FTO: variants seen among roughly 807,000 people sequenced by gnomAD.
FTO encodes the protein alpha-ketoglutarate-dependent dioxygenase FTO.
In FTO, 47 loss-of-function variants were observed where a neutral mutation model predicts 63.9. The ratio of observed to expected loss-of-function variants is 0.74; its 90% CI spans 0.58 to 0.94. FTO has a LOEUF of 0.94. FTO is among the 40% of genes least tolerant of loss of function. FTO has a pLI of 0.00. For synonymous variants in FTO, 207 were observed against 224.4 expected (o/e 0.92, Z 0.69); for missense variants, 562 against 618.1 (o/e 0.91, Z 0.96).
chr16:53,729,343 A>G (rs1194669447), intron 1 of FTO, among the ~76,000 whole-genome samples: 1 of 151,580 alleles, frequency 6.6e-6, no homozygotes, highest in African/African-American at 2.4e-5. Flanking sequence ...CCTGGCCAAC[A>G]TGGTGAAACC....
At chr16:54,009,050 T>C (rs1317363046) in intron 8 of FTO, among the ~76,000 whole-genome samples, 2 of 151,836 alleles carry the variant, frequency 1.3e-5, no homozygotes, top group Non-Finnish European at 2.9e-5. Flanking sequence ...AGTGTGGCAG[T>C]GGCCAACTTG....
At chr16:53,863,537 C>G (rs1296775911) in intron 4 of FTO, among the ~76,000 whole-genome samples, 2 of 152,200 alleles carry the variant, frequency 1.3e-5, no homozygotes, top group Non-Finnish European at 2.9e-5. Context: ...GGTTTTGGCC[C>G]ACTCCTATCA....
intron 8 of FTO, among the ~76,000 whole-genome samples, chr16:53,953,979 G>T (rs970928101): frequency 1.3e-5 from 2 of 152,214 alleles, no homozygotes; most frequent in Non-Finnish European, 2.9e-5. Flanking sequence ...ATGTATATCT[G>T]TAAAACAACA....
chr16:54,102,541 T>C (rs1311585344), intron 8 of FTO, among the ~76,000 whole-genome samples: 1 of 152,048 alleles, frequency 6.6e-6, no homozygotes, highest in Non-Finnish European at 1.5e-5. Context: ...AGTGACCCCA[T>C]CTCAAAACAA....
intron 7 of FTO, among the ~76,000 whole-genome samples, chr16:53,891,009 G>C (rs75475431): frequency 8.0e-6 from 1 of 124,656 alleles, no homozygotes; most frequent in Non-Finnish European, 1.8e-5. Flanking sequence ...TTTTTTTTTT[G>C]AGACGGAGTC....
chr16:53,851,454 G>A lies in FTO; in HGVS notation c.895+7156G>A, dbSNP rs139894958. 9.0e-3 allele frequency among the ~76,000 whole-genome samples: 1,276 copies of A among 141,594 alleles called. 23 individuals carry two copies. Among genetic ancestry groups the A allele is most frequent in the Admixed American group, 0.044 (606 of 13,778 alleles). The allele number at this position is 141,594 out of a possible 152,430, so 92.9% of individuals were successfully genotyped here. A position where few individuals can be genotyped will look rare whatever the true frequency, so the allele number is the denominator to read the frequency against. ...AGCCTGGGCAACAGAGTGAGACTCC[G>A]TCTCAAAAAAAAAAAAAGGAAAAAA... On this transcript the variant is annotated intron_variant, in intron 4 of 8. Transcript: ENST00000471389.
At chr16:53,947,908 G>A (rs560146791) in intron 8 of FTO, among the ~76,000 whole-genome samples, 1 of 152,322 alleles carries the variant, frequency 6.6e-6, no homozygotes, top group East Asian at 1.9e-4. Context: ...GCTGTATTAA[G>A]CACAGCATCT....
chr16:53,917,760 C>T (rs781771108), intron 7 of FTO, among the ~76,000 whole-genome samples: 10 of 150,608 alleles, frequency 6.6e-5, no homozygotes, highest in African/African-American at 1.2e-4. Flanking sequence ...GTCCATCCGT[C>T]GTCCATCTCC....
In FTO at chr16:53,716,610, G is replaced by A. The variant is rs567444661; in HGVS notation, c.45+12381G>A. Among the ~76,000 whole-genome samples, 42 of 152,040 alleles carry A rather than the reference G, an allele frequency of 2.8e-4. 1 individual carries two copies. Among genetic ancestry groups the A allele is most frequent in the Non-Finnish European group, 3.1e-4 (21 of 67,936 alleles). ...CTATATAAGGTTATTATTATTATGC[G>A]TGTGACTATTAATGAAATTATTTTT... is the stretch of plus-strand genomic sequence containing the variant. On this transcript the variant is annotated intron_variant, in intron 1 of 8. Coordinates refer to ENST00000471389, the MANE Select transcript of FTO (RefSeq NM_001080432.3).
chr16:54,102,447 G>A (rs556523442), intron 8 of FTO, among the ~76,000 whole-genome samples: 25 of 152,066 alleles, frequency 1.6e-4, no homozygotes, highest in Admixed American at 1.2e-3. Context: ...ATTGTTTTGC[G>A]TGCCTGTAAT....
intron 1 of FTO, among the ~76,000 whole-genome samples, chr16:53,721,345 A>T (rs2076036141): frequency 6.6e-6 from 1 of 152,180 alleles, no homozygotes; most frequent in African/African-American, 2.4e-5. Context: ...AAAATAGTGG[A>T]GTTGATTTAG....
chr16:53,954,099 C>G (rs945485319), intron 8 of FTO, among the ~76,000 whole-genome samples: 2 of 152,292 alleles, frequency 1.3e-5, no homozygotes, highest in South Asian at 4.1e-4. Context: ...AGTAGATGTT[C>G]ATAGATTGTT....
chr16:53,898,354 G>A (rs1233036262), intron 7 of FTO, among the ~76,000 whole-genome samples: 1 of 152,126 alleles, frequency 6.6e-6, no homozygotes, highest in African/African-American at 2.4e-5. Flanking sequence ...ATTTCATTCA[G>A]ATCTCTGCTC....
chr16:53,735,014 G>A (rs888246127), intron 1 of FTO, among the ~76,000 whole-genome samples: 4 of 152,198 alleles, frequency 2.6e-5, no homozygotes, highest in African/African-American at 9.6e-5. Flanking sequence ...GGCTTAGAGA[G>A]CTCATGATCC....
At chr16:54,102,279 T>C (rs1359995550) in intron 8 of FTO, among the ~76,000 whole-genome samples, 3 of 152,178 alleles carry the variant, frequency 2.0e-5, no homozygotes, top group African/African-American at 7.2e-5. Context: ...AAAGCAATCA[T>C]AACAAGAGCA....
At chr16:53,836,916 A>T (rs1346361679) in intron 3 of FTO, among the ~76,000 whole-genome samples, 2 of 152,176 alleles carry the variant, frequency 1.3e-5, no homozygotes, top group Non-Finnish European at 2.9e-5. Flanking sequence ...CTTTACCTGA[A>T]GCTAGATGAA....
At chr16:54,016,312 A>C (rs1263709201) in intron 8 of FTO, among the ~76,000 whole-genome samples, 2 of 152,048 alleles carry the variant, frequency 1.3e-5, no homozygotes, top group South Asian at 2.1e-4. Flanking sequence ...AAAAAAAAAA[A>C]AAACTGGAAG....
At position 53,801,468 on chromosome 16, in the gene FTO, A is replaced by G. The variant is rs1425705858; in HGVS notation, c.46-8672A>G. ...TTTGCTTTAGTCAATTATCTTTTAT[A>G]AAGACTTAGTGAGAAGTCTTTTATA... On this transcript the variant is annotated intron_variant, in intron 1 of 8. Transcript: ENST00000471389. Among the ~76,000 whole-genome samples, 8 of 152,188 alleles carry G rather than the reference A, an allele frequency of 5.3e-5. No individual in the cohort carries two copies. The East Asian group carries it at 1.5e-3, about 29-fold the overall frequency.
At chr16:54,017,565 G>A (rs540400811) in intron 8 of FTO, among the ~76,000 whole-genome samples, 8 of 152,252 alleles carry the variant, frequency 5.3e-5, no homozygotes, top group African/African-American at 7.2e-5. Context: ...AAAGCACTTC[G>A]CATTTTCTTT....
Sources: gnomAD v4.1 joint callset for allele counts (sites outside exome capture counted in the v4.1 genomes callset) on GRCh38, gnomAD v4.1.1 for gene constraint, MANE v1.5 for transcripts, NCBI Gene and HGNC (gene_info 2026-07-23, HGNC 2026-07-21) for gene names.